The following TRAPPC9 variants were observed in gnomAD, a reference collection of about 807,000 sequenced individuals.
TRAPPC9 encodes the protein IKK2 binding protein.
A neutral mutation model predicts 124.0 loss-of-function variants in TRAPPC9; 83 were observed. That is an observed-to-expected ratio of 0.67 (90% CI 0.56 to 0.80). The LOEUF (loss-of-function observed/expected upper bound fraction) is 0.80, where lower values mean the gene tolerates loss of function less well. Among genes scored for constraint, TRAPPC9 ranks in the 30% least tolerant of loss-of-function variants. The pLI, the probability that TRAPPC9 is intolerant of heterozygous loss-of-function variation, is 0.00. For synonymous variants in TRAPPC9, 638 were observed against 617.5 expected (o/e 1.03, Z -0.49); for missense variants, 1,302 against 1,508.3 (o/e 0.86, Z 2.27).
chr8:140,370,596 G>A (rs2068253838), intron 8 of TRAPPC9, among the ~76,000 whole-genome samples: 1 of 152,134 alleles, frequency 6.6e-6, no homozygotes, highest in African/African-American at 2.4e-5. Flanking sequence ...CATAGCTCAG[G>A]TATACACATA....
In TRAPPC9 at chr8:139,776,335, C is replaced by G. The variant is rs2169280; in HGVS notation, c.3056-44133G>C. On this transcript the variant is annotated intron_variant, in intron 21 of 22. Coordinates refer to ENST00000438773, the MANE Select transcript of TRAPPC9 (RefSeq NM_001160372.4). This position sits in a 1 kb window ranked among gnomAD's most constrained non-coding sequence, Gnocchi z 4.1. ...ACAGGGGACGTCAGCTGCTATGTGA[C>G]GTCATCTCACTCGTCACAACATAGT... 0.088 allele frequency among the ~76,000 whole-genome samples: 13,378 copies of G among 152,308 alleles called. 731 individuals are homozygous for G. The highest frequency in any genetic ancestry group is 0.15 in the Admixed American group (2,237 of 15,306).
intron 17 of TRAPPC9, among the ~76,000 whole-genome samples, chr8:140,055,391 G>C (rs1224770750): frequency 1.3e-5 from 2 of 152,134 alleles, no homozygotes; most frequent in African/African-American, 4.8e-5. Flanking sequence ...AACCATATCT[G>C]AAAAGCCCAC....
At chr8:140,278,109 A>AT (rs1173346078) in intron 14 of TRAPPC9, among the ~76,000 whole-genome samples, 1 of 127,018 alleles carries the variant, frequency 7.9e-6, no homozygotes, top group Non-Finnish European at 1.8e-5. Context: ...GACAGGGACA[A>AT]ATTTTTTTTT....
chr8:139,796,422 C>T (rs761526063), intron 21 of TRAPPC9, among the ~76,000 whole-genome samples: 5 of 152,196 alleles, frequency 3.3e-5, no homozygotes, highest in South Asian at 2.1e-4. Context: ...CTCCCCATCC[C>T]CACCAGCCAG....
chr8:140,201,810 G>T (rs1474983994), intron 17 of TRAPPC9, among the ~76,000 whole-genome samples: 2 of 152,206 alleles, frequency 1.3e-5, no homozygotes, highest in Non-Finnish European at 2.9e-5. Flanking sequence ...CAGGGACTGG[G>T]AGAGGCTGGG....
chr8:140,374,340 C>A lies in TRAPPC9; in HGVS notation c.1135-3160G>T, dbSNP rs531603861. On this transcript the variant is annotated intron_variant, in intron 7 of 22. Coordinates refer to ENST00000438773, the MANE Select transcript of TRAPPC9 (RefSeq NM_001160372.4). ...ATCCCAGCACTTTGGGAGGCCGAGG[C>A]AGGCAGATCACCTGAGGTTGGGAGT... is the stretch of plus-strand genomic sequence containing the variant. Among the ~76,000 whole-genome samples the A allele has an allele frequency of 2.0e-5, 3 of 152,334 alleles. No homozygotes were observed. The South Asian group carries it at 6.2e-4, about 32-fold the overall frequency.
chr8:140,372,397 G>A (rs911975587), intron 7 of TRAPPC9, among the ~76,000 whole-genome samples: 5 of 152,160 alleles, frequency 3.3e-5, no homozygotes, highest in Non-Finnish European at 7.3e-5. Context: ...CGCGCTCACT[G>A]CCATGGCCTC....
At chr8:139,833,090 G>A (rs868508071) in intron 21 of TRAPPC9, among the ~76,000 whole-genome samples, 15 of 152,254 alleles carry the variant, frequency 9.9e-5, no homozygotes, top group South Asian at 2.1e-4. Context: ...AGTCTCCAGC[G>A]GACATCAGCA....
intron 20 of TRAPPC9, among the ~76,000 whole-genome samples, chr8:139,886,324 TG>T: frequency 6.6e-6 from 1 of 152,268 alleles, no homozygotes; most frequent in East Asian, 1.9e-4. Flanking sequence ...ACTGGTTCAC[TG>T]TTCAATACAA....
At chr8:139,732,721 G>A (rs1000751911) in intron 21 of TRAPPC9, among the ~76,000 whole-genome samples, 3 of 152,214 alleles carry the variant, frequency 2.0e-5, no homozygotes. Flanking sequence ...GTGGGCTCCA[G>A]CACTCCCTAT....
At chr8:140,300,662 G>T (rs370313122) in intron 10 of TRAPPC9, 48 bp from the exon 11 acceptor site, 9 of 1,611,814 alleles carry the variant, frequency 5.6e-6, no homozygotes, top group South Asian at 2.2e-5. Context: ...TGGTTAGCGT[G>T]GTTTCAGGAT....
At chr8:140,374,021 A>G (rs2068362405) in intron 7 of TRAPPC9, among the ~76,000 whole-genome samples, 1 of 152,226 alleles carries the variant, frequency 6.6e-6, no homozygotes, top group African/African-American at 2.4e-5. Context: ...TCTGTGATGT[A>G]GCTCAATCTA....
intron 15 of TRAPPC9, among the ~76,000 whole-genome samples, chr8:140,269,007 G>A (rs1020562388): frequency 6.6e-6 from 1 of 152,094 alleles, no homozygotes; most frequent in Non-Finnish European, 1.5e-5. Flanking sequence ...GGATTGGCTG[G>A]GAAGGAACAT....
intron 17 of TRAPPC9, among the ~76,000 whole-genome samples, chr8:140,194,507 T>C (rs1434534551): frequency 6.6e-6 from 1 of 152,206 alleles, no homozygotes; most frequent in African/African-American, 2.4e-5. Flanking sequence ...TGCAGTTTTT[T>C]TGCTTGAATA....
At chr8:140,088,474 G>A (rs554272179) in intron 17 of TRAPPC9, among the ~76,000 whole-genome samples, 11 of 152,328 alleles carry the variant, frequency 7.2e-5, no homozygotes, top group South Asian at 2.1e-4. Flanking sequence ...AACACACAAC[G>A]AGGACTGGGA....
At chr8:140,363,688 C>T (rs2068021396) in intron 8 of TRAPPC9, among the ~76,000 whole-genome samples, 1 of 151,972 alleles carries the variant, frequency 6.6e-6, no homozygotes, top group Non-Finnish European at 1.5e-5. Flanking sequence ...ACTTATGCCT[C>T]CCAGGTTCAA....
At chr8:139,779,055 T>G (rs959807125) in intron 21 of TRAPPC9, among the ~76,000 whole-genome samples, 26 of 151,808 alleles carry the variant, frequency 1.7e-4, no homozygotes, top group Non-Finnish European at 1.3e-4. Context: ...TGCACCAACC[T>G]AATAAGTACT....
At chr8:139,884,849 C>T (rs4736111) in intron 21 of TRAPPC9, among the ~76,000 whole-genome samples, 68,383 of 152,022 alleles carry the variant, frequency 0.45, 15,349 homozygotes, top group East Asian at 0.6. Context: ...GCCGCCATGA[C>T]GGTGCCCACC....
At chr8:140,166,253 T>A (rs979370679) in intron 17 of TRAPPC9, among the ~76,000 whole-genome samples, 16 of 152,134 alleles carry the variant, frequency 1.1e-4, no homozygotes, top group African/African-American at 3.9e-4. Context: ...GTGAGTGCCA[T>A]CACACCAATA....
Sources: gnomAD v4.1 joint callset for allele counts (sites outside exome capture counted in the v4.1 genomes callset) on GRCh38, gnomAD v4.1.1 for gene constraint, Gnocchi (gnomAD v3.1) non-coding constraint, MANE v1.5 for transcripts, NCBI Gene and HGNC (gene_info 2026-07-23, HGNC 2026-07-21) for gene names.